KLF7: variants seen among roughly 807,000 people sequenced by gnomAD.
KLF7 encodes Krueppel-like factor 7.
In KLF7, 2 loss-of-function variants were observed where a neutral mutation model predicts 27.3. The ratio of observed to expected loss-of-function variants is 0.07; its 90% CI spans 0.03 to 0.23. KLF7 has a LOEUF of 0.23. Ranked by LOEUF, KLF7 falls within the 10% of genes least tolerant of loss-of-function variation. The pLI, the probability that KLF7 is intolerant of heterozygous loss-of-function variation, is 1.00. For synonymous variants in KLF7, 165 were observed against 162.4 expected (o/e 1.02, Z -0.12); for missense variants, 221 against 394.1 (o/e 0.56, Z 3.72).
At chr2:207,166,480 C>T (rs942778725), upstream of KLF7, 2 of 151,856 alleles carry the variant, frequency 1.3e-5, no homozygotes, top group Admixed American at 6.6e-5. Flanking sequence ...GACCTCCGAC[C>T]CTCCACTAGA....
At chr2:207,149,290 A>G in intron 1 of KLF7, 1 of 516,274 alleles carries the variant, frequency 1.9e-6, no homozygotes, top group East Asian at 7.1e-5. Flanking sequence ...TTTGTCTTCT[A>G]GACTAGCCAT....
chr2:207,157,423 G>A (rs1057206637), intron 1 of KLF7, among the ~76,000 whole-genome samples: 2 of 94,902 alleles, frequency 2.1e-5, no homozygotes, highest in Non-Finnish European at 5.1e-5. Flanking sequence ...GGAGAGGGAG[G>A]AAGAGGAAAA....
At chr2:207,140,618 C>T (rs2077913359) in intron 1 of KLF7, among the ~76,000 whole-genome samples, 1 of 152,138 alleles carries the variant, frequency 6.6e-6, no homozygotes, top group Non-Finnish European at 1.5e-5. Context: ...CAGTAACACA[C>T]CTCTAACCAA....
At position 207,102,126 on chromosome 2, in the gene KLF7, T is replaced by TCACACA. The variant is rs59384224; in HGVS notation, c.734-13551_734-13546dup. ...CCACCCGTGAAAGCTACATTCACAT[T>TCACACA]CACACACACACACACACACACACAC... On this transcript the variant is annotated intron_variant, in intron 2 of 3. Transcript: ENST00000309446. 9.6e-3 allele frequency among the ~76,000 whole-genome samples: 1,351 copies of TCACACA among 141,226 alleles called. 12 individuals carry two copies. The highest frequency in any genetic ancestry group is 0.014 in the African/African-American group (545 of 39,232). The allele number at this position is 141,226 out of a possible 152,430, so 92.6% of individuals were successfully genotyped here. A position where few individuals can be genotyped will look rare whatever the true frequency, so the allele number is the denominator to read the frequency against.
At chr2:207,116,155 TTA>T (rs1055866881) in intron 2 of KLF7, among the ~76,000 whole-genome samples, 3 of 152,218 alleles carry the variant, frequency 2.0e-5, no homozygotes, top group African/African-American at 7.2e-5. Context: ...GCAGCAGAGC[TTA>T]GTGTCATCTG....
chr2:207,129,162 C>T (rs746742027), intron 1 of KLF7, among the ~76,000 whole-genome samples: 40 of 152,324 alleles, frequency 2.6e-4, no homozygotes, highest in Admixed American at 1.2e-3. Context: ...TGTCCCTAAA[C>T]TGTAAATTTG....
At chr2:207,158,198 A>G (rs1031223599) in intron 1 of KLF7, among the ~76,000 whole-genome samples, 1 of 152,140 alleles carries the variant, frequency 6.6e-6, no homozygotes, top group Non-Finnish European at 1.5e-5. Context: ...ATAACTACCA[A>G]TTCAAGGAGG....
At chr2:207,115,966 A>G (rs1331042451) in intron 2 of KLF7, among the ~76,000 whole-genome samples, 1 of 152,224 alleles carries the variant, frequency 6.6e-6, no homozygotes, top group African/African-American at 2.4e-5. Flanking sequence ...AGAAAGTGAC[A>G]GAGTACAGGA....
intron 2 of KLF7, among the ~76,000 whole-genome samples, chr2:207,102,173 C>G (rs935969731): frequency 8.6e-5 from 13 of 151,494 alleles, no homozygotes; most frequent in Admixed American, 3.9e-4. Context: ...GCCCTCCCCC[C>G]CAATCTGCAA....
At chr2:207,121,671 T>C (rs976290197) in intron 2 of KLF7, 2 of 152,216 alleles carry the variant, frequency 1.3e-5, no homozygotes, top group African/African-American at 4.8e-5. Flanking sequence ...CTTTCCACTT[T>C]AGTCCAACAT....
At chr2:207,154,463 G>T (rs963802737) in intron 1 of KLF7, among the ~76,000 whole-genome samples, 4 of 152,196 alleles carry the variant, frequency 2.6e-5, no homozygotes, top group Admixed American at 6.5e-5. Context: ...GGTATTGCTA[G>T]TCCTCCCCCA....
intron 1 of KLF7, among the ~76,000 whole-genome samples, chr2:207,131,841 G>A (rs1322392584): frequency 6.6e-6 from 1 of 152,176 alleles, no homozygotes; most frequent in East Asian, 1.9e-4. Context: ...GATGTACTAT[G>A]CTTAATAAAC....
chr2:207,128,693 C>T lies in KLF7; in HGVS notation c.103-4289G>A, dbSNP rs147912618. On this transcript the variant is annotated intron_variant, in intron 1 of 3. Coordinates refer to ENST00000309446, the MANE Select transcript of KLF7 (RefSeq NM_003709.4). ...CTGATATGATAAGCTGACAAGGATA[C>T]AATATTATTCTATGATATTTCTGTC... 7.9e-4 allele frequency among the ~76,000 whole-genome samples: 121 copies of T among 152,256 alleles called. 1 individual carries two copies. The highest frequency in any genetic ancestry group is 2.9e-3 in the African/African-American group (120 of 41,536).
chr2:207,166,273 G>A (rs904134803), upstream of KLF7: 62 of 800,660 alleles, frequency 7.7e-5, no homozygotes, highest in Non-Finnish European at 9.1e-5. Context: ...GCTTGGCCCT[G>A]GCGGCGGGCG....
chr2:207,081,061 A>ATATG lies in KLF7; in HGVS notation c.*151_*152insCATA, dbSNP rs113821778. The ATATG allele has an allele frequency of 1.5e-5, 10 of 671,224 alleles. No homozygotes were observed. The highest frequency in any genetic ancestry group is 2.4e-5 in the Non-Finnish European group (9 of 372,268). The allele number at this position is 671,224 out of a possible 1,614,324, so 41.6% of individuals were successfully genotyped here. A position where few individuals can be genotyped will look rare whatever the true frequency, so the allele number is the denominator to read the frequency against. On this transcript the variant is annotated 3_prime_UTR_variant, in exon 4 of 4. Transcript: ENST00000309446. ...TGTGTGGGTCTGTGAGTGTGTGTAT[A>ATATG]TGTGTGTGTGTGTGTGTGTGTGTAC...
chr2:207,102,379 T>C (rs1160030516), intron 2 of KLF7, among the ~76,000 whole-genome samples: 1 of 152,206 alleles, frequency 6.6e-6, no homozygotes, highest in Non-Finnish European at 1.5e-5. Flanking sequence ...AATGTGACTT[T>C]ATACTTTGGA....
Position 207,157,958 on chromosome 2 carries a change from T to C in KLF7, c.102+7509A>G, listed in dbSNP as rs1395496325. 2.6e-5 allele frequency among the ~76,000 whole-genome samples: 4 copies of C among 152,206 alleles called. No individual in the cohort carries two copies. In the East Asian group the frequency reaches 5.8e-4, roughly 22 times the overall value. On this transcript the variant is annotated intron_variant, in intron 1 of 3. Transcript: ENST00000309446. The stretch of plus-strand genomic sequence containing the variant: ...TGATGAGTTAGGGGTTTAGGACATA[T>C]TCAGCTGAAGTGATGGTAGAACAAC...
At chr2:207,107,904 C>T (rs2076922223) in intron 2 of KLF7, among the ~76,000 whole-genome samples, 1 of 152,230 alleles carries the variant, frequency 6.6e-6, no homozygotes, top group Admixed American at 6.5e-5. Context: ...TATGTTTGCA[C>T]AACGTGATTG....
upstream of KLF7, among the ~76,000 whole-genome samples, chr2:207,168,959 T>C (rs140576501): frequency 2.0e-3 from 299 of 152,342 alleles, 2 homozygotes; most frequent in African/African-American, 6.9e-3. Context: ...ACTGGTTGAT[T>C]ACCTTCTTTG....
Sources: gnomAD v4.1 joint callset for allele counts (sites outside exome capture counted in the v4.1 genomes callset) on GRCh38, gnomAD v4.1.1 for gene constraint, MANE v1.5 for transcripts, NCBI Gene and HGNC (gene_info 2026-07-23, HGNC 2026-07-21) for gene names.